The following NXF2B variants were observed in gnomAD, a reference collection of about 807,000 sequenced individuals.
NXF2B encodes the protein nuclear RNA export factor 2B, also known as nuclear RNA export factor 2.
chrX:102,438,512 C>T (rs1934480548), intron 2 of NXF2B, 41 bp downstream of exon 2: 1 of 62,101 alleles, frequency 1.6e-5, no homozygotes, highest in African/African-American at 5.0e-5. Flanking sequence ...CATAAGAAAA[C>T]ATGAGACAAA....
chrX:102,398,210 A>G (rs1463046670), intron 2 of NXF2B, among the ~76,000 whole-genome samples: 3 of 71,401 alleles, frequency 4.2e-5, no homozygotes, highest in African/African-American at 5.8e-5. Context: ...TAAAACCACA[A>G]TGAGATACCA....
intron 2 of NXF2B, among the ~76,000 whole-genome samples, chrX:102,393,561 T>C (rs1556391775): frequency 2.7e-5 from 1 of 36,620 alleles, no homozygotes; most frequent in Non-Finnish European, 4.8e-5. Context: ...TATATATATA[T>C]ATATATATAT....
chrX:102,385,988 C>A (rs1262035761), intron 2 of NXF2B, among the ~76,000 whole-genome samples: 3 of 113,685 alleles, frequency 2.6e-5, no homozygotes, highest in African/African-American at 6.4e-5. Context: ...CGCTCTGTTG[C>A]CCAGGCTGGA....
At chrX:102,435,674 T>C (rs1426194316) in intron 2 of NXF2B, among the ~76,000 whole-genome samples, 2 of 53,545 alleles carry the variant, frequency 3.7e-5, no homozygotes, top group Admixed American at 2.7e-4. Flanking sequence ...TGGAAACACC[T>C]AAGAAAACTA....
intron 2 of NXF2B, among the ~76,000 whole-genome samples, chrX:102,405,378 AG>A (rs781826434): frequency 1.2e-4 from 1 of 8,312 alleles, no homozygotes; most frequent in African/African-American, 3.2e-4. Flanking sequence ...GGGTCGGGGG[AG>A]GGGGGGGTCA....
intron 2 of NXF2B, among the ~76,000 whole-genome samples, chrX:102,393,546 A>AT (rs2147821566): frequency 9.3e-5 from 2 of 21,434 alleles, no homozygotes; most frequent in Non-Finnish European, 1.6e-4. Flanking sequence ...AAACAAAACT[A>AT]AATATATATA....
chrX:102,420,529 T>G (rs1327985144), intron 2 of NXF2B, among the ~76,000 whole-genome samples: 1 of 105,098 alleles, frequency 9.5e-6, no homozygotes, highest in Non-Finnish European at 2.0e-5. Context: ...ATCCCCTTTA[T>G]CATTTTTTAT....
chrX:102,412,540 GA>G (rs1569471445), intron 2 of NXF2B, among the ~76,000 whole-genome samples: 93 of 3,101 alleles, frequency 0.03, 21 homozygotes, highest in Admixed American at 0.061. Flanking sequence ...AGAAGAAGAA[GA>G]AGAAGAAGAA....
intron 2 of NXF2B, among the ~76,000 whole-genome samples, chrX:102,405,225 G>A (rs1934354150): frequency 1.4e-5 from 1 of 72,816 alleles, no homozygotes; most frequent in Admixed American, 1.5e-4. Flanking sequence ...GGGAGGCGGA[G>A]CTTACAGTGA....
chrX:102,420,624 G>T (rs1402648988), intron 2 of NXF2B, among the ~76,000 whole-genome samples: 1 of 100,907 alleles, frequency 9.9e-6, no homozygotes, highest in East Asian at 2.9e-4. Context: ...CAAAAAACCA[G>T]CTCCTGGATT....
exon 2 of NXF2B, chrX:102,438,627 C>A (rs1934481170): frequency 1.7e-5 from 1 of 59,252 alleles, no homozygotes; most frequent in Admixed American, 1.4e-4. Context: ...CTGGAGGAGA[C>A]TAAGGAGAAA....
intron 2 of NXF2B, among the ~76,000 whole-genome samples, chrX:102,397,951 C>G (rs1165233525): frequency 1.8e-5 from 2 of 113,816 alleles, no homozygotes; most frequent in African/African-American, 6.4e-5. Flanking sequence ...GAAGAGTAAA[C>G]AGACAACCCA....
At chrX:102,435,788 A>G (rs2147827260) in intron 2 of NXF2B, among the ~76,000 whole-genome samples, 1 of 90,302 alleles carries the variant, frequency 1.1e-5, no homozygotes, top group African/African-American at 3.8e-5. Context: ...GTCCAGGGTT[A>G]TTCGCGGGAG....
At chrX:102,412,594 G>GAAGAAGAAAAGAA (rs1569471524) in intron 2 of NXF2B, among the ~76,000 whole-genome samples, 1 of 4,964 alleles carries the variant, frequency 2.0e-4, no homozygotes, top group African/African-American at 7.4e-4. Flanking sequence ...AAGAGGAAGA[G>GAAGAAGAAAAGAA]GAAGAAGAAG....
intron 2 of NXF2B, among the ~76,000 whole-genome samples, chrX:102,412,594 G>GAAGAAGAA (rs1569471524): frequency 0.014 from 67 of 4,935 alleles, 6 homozygotes; most frequent in East Asian, 0.03. Flanking sequence ...AAGAGGAAGA[G>GAAGAAGAA]GAAGAAGAAG....
intron 1 of NXF2B, among the ~76,000 whole-genome samples, chrX:102,377,148 TTGTGTGTGTG>T (rs781891878): frequency 0.012 from 652 of 54,272 alleles, 2 homozygotes; most frequent in African/African-American, 0.028. Context: ...GAGAGTGTAT[TTGTGTGTGTG>T]TGTGTGTGTG....
intron 2 of NXF2B, among the ~76,000 whole-genome samples, chrX:102,386,190 C>T (rs1401428886): frequency 1.7e-5 from 2 of 115,035 alleles, no homozygotes; most frequent in African/African-American, 3.1e-5. Context: ...CGTGATCAGC[C>T]CGCCTTGGCC....
chrX:102,432,246 TAAG>T (rs1934449872), intron 2 of NXF2B, among the ~76,000 whole-genome samples: 1 of 104,348 alleles, frequency 9.6e-6, no homozygotes, highest in African/African-American at 3.7e-5. Context: ...TAGGAATGAA[TAAG>T]AAGAACTAAA....
intron 2 of NXF2B, among the ~76,000 whole-genome samples, chrX:102,435,545 G>A (rs1400498312): frequency 5.7e-5 from 1 of 17,576 alleles, no homozygotes; most frequent in Non-Finnish European, 1.0e-4. Flanking sequence ...CGCCTAACCC[G>A]TAGAAAAAAG....
Sources: gnomAD v4.1 joint callset for allele counts (sites outside exome capture counted in the v4.1 genomes callset) on GRCh38, gnomAD v4.1.1 for gene constraint, MANE v1.5 for transcripts, NCBI Gene and HGNC (gene_info 2026-07-23, HGNC 2026-07-21) for gene names.